The following CELF2 variants were observed in gnomAD, a reference collection of about 807,000 sequenced individuals.
CELF2 encodes the protein CUGBP Elav-like family member 2.
A neutral mutation model predicts 62.6 loss-of-function variants in CELF2; 8 were observed. That is an observed-to-expected ratio of 0.13 (90% CI 0.07 to 0.23). The LOEUF (loss-of-function observed/expected upper bound fraction) is 0.23. CELF2 is among the 10% of genes least tolerant of loss of function. CELF2 has a pLI of 1.00. For missense variants in CELF2, 333 were observed against 671.0 expected (o/e 0.50, Z 5.56); for synonymous variants, 258 against 250.0 (o/e 1.03, Z -0.30).
chr10:10,806,702 G>A (rs2055272173), intron 1 of CELF2, among the ~76,000 whole-genome samples: 2 of 152,190 alleles, frequency 1.3e-5, no homozygotes, highest in African/African-American at 2.4e-5. Flanking sequence ...TGGCCATCAG[G>A]TTTCAGTTCT....
chr10:11,080,376 T>C (rs906257386), intron 1 of CELF2, among the ~76,000 whole-genome samples: 13 of 152,202 alleles, frequency 8.5e-5, no homozygotes, highest in Non-Finnish European at 1.6e-4. Flanking sequence ...TTAGTAAACA[T>C]TCATGGAATG....
chr10:11,238,263 G>A (rs557997623), intron 3 of CELF2, among the ~76,000 whole-genome samples: 11 of 152,294 alleles, frequency 7.2e-5, no homozygotes, highest in South Asian at 6.2e-4. Flanking sequence ...GTGATCTTCC[G>A]AGTGTCGCAC....
Position 10,862,640 on chromosome 10 carries a change from C to G in CELF2, c.54-57324C>G, listed in dbSNP as rs147925068. On this transcript the variant is annotated intron_variant, in intron 1 of 13. Transcript: ENST00000636488. Reference sequence around the variant, plus strand: ...TGTGTCATTACGGTCAGCTCAGATTCAAGAGGAGGGCACATGGGCCCTGCC... The same window carrying G: ...TGTGTCATTACGGTCAGCTCAGATTGAAGAGGAGGGCACATGGGCCCTGCC... 3.3e-5 allele frequency among the ~76,000 whole-genome samples: 5 copies of G among 152,256 alleles called. No homozygotes were observed. The East Asian group carries it at 9.6e-4, about 29-fold the overall frequency.
chr10:10,941,476 T>C (rs1354915938), intron 2 of CELF2, among the ~76,000 whole-genome samples: 2 of 152,228 alleles, frequency 1.3e-5, no homozygotes, highest in African/African-American at 4.8e-5. Context: ...GTAGTAGTTA[T>C]AAAGTAAATT....
chr10:10,779,557 C>T, the CELF2 span, among the ~76,000 whole-genome samples: 1 of 152,062 alleles, frequency 6.6e-6, no homozygotes, highest in Non-Finnish European at 1.5e-5. Flanking sequence ...CTGTGGAAAA[C>T]TTTCTAGCTA....
chr10:11,266,060 A>T (rs2082121922), intron 5 of CELF2, among the ~76,000 whole-genome samples: 1 of 152,220 alleles, frequency 6.6e-6, no homozygotes, highest in Non-Finnish European at 1.5e-5. Context: ...ACATACATAT[A>T]TATTTTTTAA....
At position 11,035,485 on chromosome 10, in the gene CELF2, C is replaced by T. The variant is rs1049997410; in HGVS notation, c.74+17322C>T. 4.6e-5 allele frequency among the ~76,000 whole-genome samples: 7 copies of T among 152,174 alleles called. No individual in the cohort carries two copies. In the East Asian group the frequency reaches 5.8e-4, roughly 13 times the overall value. ...GATGCTTCAGATGACTCAGCCAAAG[C>T]GTGACCACAGCCAGGAAATGATCTG... On this transcript the variant is annotated intron_variant, in intron 1 of 12. Coordinates refer to ENST00000633077, the MANE Select transcript of CELF2 (RefSeq NM_001326342.2).
At chr10:10,844,045 T>C (rs543843369) in intron 1 of CELF2, among the ~76,000 whole-genome samples, 4 of 152,112 alleles carry the variant, frequency 2.6e-5, no homozygotes, top group African/African-American at 9.6e-5. Context: ...CTACCTCGGG[T>C]GCTTCTGAAT....
the CELF2 span, among the ~76,000 whole-genome samples, chr10:10,644,256 G>T: frequency 6.6e-6 from 1 of 152,184 alleles, no homozygotes; most frequent in Non-Finnish European, 1.5e-5. Flanking sequence ...TTTATTTCTT[G>T]ATAGGGGTCC....
intron 1 of CELF2, among the ~76,000 whole-genome samples, chr10:10,830,002 C>T (rs903731894): frequency 4.6e-5 from 7 of 152,098 alleles, no homozygotes; most frequent in African/African-American, 1.7e-4. Flanking sequence ...CCACCAACCC[C>T]ACCACCACCA....
the CELF2 span, among the ~76,000 whole-genome samples, chr10:10,591,191 G>A: frequency 1.3e-5 from 2 of 151,978 alleles, no homozygotes; most frequent in African/African-American, 2.4e-5. Context: ...TTCATTAAAA[G>A]GAAAGAGAAG....
At chr10:10,512,861 T>C in the CELF2 span, among the ~76,000 whole-genome samples, 3 of 152,212 alleles carry the variant, frequency 2.0e-5, no homozygotes, top group African/African-American at 7.2e-5. Flanking sequence ...CTATTAGTCC[T>C]AGTGGGTGGT....
the CELF2 span, among the ~76,000 whole-genome samples, chr10:10,743,787 T>C: frequency 6.6e-6 from 1 of 152,210 alleles, no homozygotes; most frequent in Admixed American, 6.5e-5. Flanking sequence ...ACAGACCATA[T>C]GAACTCTTAA....
At position 11,117,294 on chromosome 10, in the gene CELF2, A is replaced by G. The variant is rs1044179603; in HGVS notation, c.75-48192A>G. Among the ~76,000 whole-genome samples the G allele has an allele frequency of 1.3e-5, 2 of 152,240 alleles. No individual in the cohort carries two copies. The highest frequency in any genetic ancestry group is 2.9e-5 in the Non-Finnish European group (2 of 68,046). ...CATTTACTGGCTGTGTGGCTTTGGAATAGTCACCTTTCTGAGTTGCTTTCT... is the reference window on the plus strand; with the variant it reads ...CATTTACTGGCTGTGTGGCTTTGGAGTAGTCACCTTTCTGAGTTGCTTTCT... On this transcript the variant is annotated intron_variant, in intron 1 of 12. Transcript: ENST00000633077. This position sits in a 1 kb window ranked among gnomAD's most constrained non-coding sequence, Gnocchi z 4.1.
the CELF2 span, among the ~76,000 whole-genome samples, chr10:10,763,035 A>G: frequency 6.6e-6 from 1 of 152,244 alleles, no homozygotes; most frequent in Non-Finnish European, 1.5e-5. Flanking sequence ...TAGCAGTCCT[A>G]GGTTGTAATC....
At chr10:10,822,053 A>ACTCCTTCCCTTTCTATTCT (rs2057007812) in intron 1 of CELF2, among the ~76,000 whole-genome samples, 1 of 151,954 alleles carries the variant, frequency 6.6e-6, no homozygotes. Flanking sequence ...CAATGCAGCC[A>ACTCCTTCCCTTTCTATTCT]CTCCTTCCCT....
At chr10:10,734,760 A>G in the CELF2 span, among the ~76,000 whole-genome samples, 4 of 152,192 alleles carry the variant, frequency 2.6e-5, no homozygotes, top group Non-Finnish European at 4.4e-5. Context: ...TTGTAAGCAT[A>G]TGGCCCTTTC....
chr10:10,760,626 C>A, the CELF2 span, among the ~76,000 whole-genome samples: 1 of 152,094 alleles, frequency 6.6e-6, no homozygotes, highest in Non-Finnish European at 1.5e-5. Flanking sequence ...GATCAGCCTG[C>A]AATGAGGATA....
intron 2 of CELF2, among the ~76,000 whole-genome samples, chr10:11,176,268 G>T (rs909847141): frequency 4.6e-5 from 7 of 152,164 alleles, no homozygotes; most frequent in African/African-American, 1.7e-4. Flanking sequence ...GAGCCTTTCT[G>T]AGGGTTCTCC....
Sources: gnomAD v4.1 joint callset for allele counts (sites outside exome capture counted in the v4.1 genomes callset) on GRCh38, gnomAD v4.1.1 for gene constraint, Gnocchi (gnomAD v3.1) non-coding constraint, MANE v1.5 for transcripts, NCBI Gene and HGNC (gene_info 2026-07-23, HGNC 2026-07-21) for gene names.